The following CALCOCO1 variants were observed in gnomAD, a reference collection of about 807,000 sequenced individuals.
The protein encoded by CALCOCO1 is calcium-binding and coiled-coil domain-containing protein 1.
Under a neutral mutation model 86.3 loss-of-function variants are expected in CALCOCO1, and 44 were observed. The ratio of observed to expected loss-of-function variants is 0.51; its 90% confidence interval spans 0.40 to 0.66. The LOEUF (loss-of-function observed/expected upper bound fraction) is 0.66. CALCOCO1 is among the 30% of genes least tolerant of loss of function. The pLI, the probability that CALCOCO1 is intolerant of heterozygous loss-of-function variation, is 0.00. For missense variants in CALCOCO1, 708 were observed against 851.1 expected (o/e 0.83, Z 2.09); for synonymous variants, 297 against 327.6 (o/e 0.91, Z 1.01).
In CALCOCO1 at chr12:53,711,358, T is replaced by C. The variant is rs1474144797; in HGVS notation, c.*586A>G. The C allele has an allele frequency of 1.0e-5, 4 of 392,072 alleles. No individual in the cohort carries two copies. Among genetic ancestry groups the C allele is most frequent in the Non-Finnish European group, 1.8e-5 (4 of 222,320 alleles). The allele number at this position is 392,072 out of a possible 1,614,324, so 24.3% of individuals were successfully genotyped here. On this transcript the variant is annotated 3_prime_UTR_variant, in exon 15 of 15. Transcript: ENST00000550804. ...AAAAATACAAAAAACCCCTCCAAAC[T>C]GAATACCTAAGGTTATGGAAAAGGC... is the stretch of plus-strand genomic sequence containing the variant.
intron 9 of CALCOCO1, 52 bp downstream of exon 9, chr12:53,715,741 C>T (rs1945706630): frequency 3.8e-6 from 6 of 1,596,402 alleles, no homozygotes; most frequent in African/African-American, 2.7e-5. Context: ...GGAGTCCCCA[C>T]AGAGGTGGGG....
At chr12:53,722,817 G>A (rs181212343) in intron 4 of CALCOCO1, 1 of 392,242 alleles carries the variant, frequency 2.5e-6, no homozygotes, top group Non-Finnish European at 5.0e-6. Context: ...TGATCCCTTA[G>A]TCTGAATTGT....
At position 53,721,583 on chromosome 12, in the gene CALCOCO1, T is replaced by C. The variant is rs1945867581; in HGVS notation, c.642A>G (p.Glu214=). ...GTTGCCGGCTCAGGATGTCCCTCTC[T>C]TCTGTGATCTCCCCATGGGACCGGG... is the stretch of plus-strand genomic sequence containing the variant. ...GISRSHGEIT[E]ERDILSRQQG... is the part of the protein sequence containing the mutation. Residue 214 remains glutamate, a synonymous_variant, in exon 6 of 15, where the codon GAA becomes GAG. Transcript: ENST00000550804. 2 of 1,613,962 alleles carry C rather than the reference T, an allele frequency of 1.2e-6. No homozygotes were observed. The highest frequency in any genetic ancestry group is 1.7e-6 in the Non-Finnish European group (2 of 1,180,000).
At chr12:53,715,346 A>C in intron 9 of CALCOCO1, 21 bp from the exon 10 acceptor site, 1 of 1,613,988 alleles carries the variant, frequency 6.2e-7, no homozygotes, top group African/African-American at 1.3e-5. Flanking sequence ...GCCAAGAAGG[A>C]AAATGGGAGG....
At chr12:53,727,150 G>T (rs1288235709) in intron 1 of CALCOCO1, among the ~76,000 whole-genome samples, 1 of 152,056 alleles carries the variant, frequency 6.6e-6, no homozygotes, top group Non-Finnish European at 1.5e-5. Context: ...CCCTTGAAGG[G>T]ATCAGCTTTA....
rs746342861 is a variant in CALCOCO1 at position 53,716,309 on chromosome 12, T to A, written c.956A>T (p.Asp319Val). 4 of 1,614,116 alleles carry A rather than the reference T, an allele frequency of 2.5e-6. No homozygotes were observed. In the African/African-American group the frequency reaches 5.3e-5, roughly 22 times the overall value. Reference sequence around the variant, plus strand: ...GGTGTCCTTCATCTGGGCCACCTTGTCTTTCAGTCGCTGAGCCTGAGCACT... The same window carrying A: ...GGTGTCCTTCATCTGGGCCACCTTGACTTTCAGTCGCTGAGCCTGAGCACT... ...EQSAQAQRLK[D>V]KVAQMKDTLG... The change falls in exon 8 of 15, where the codon GAC becomes GTC. Residue 319 changes from aspartate (D) to valine (V), a missense_variant. By Grantham distance (152) the Asp-to-Val change is radical. Coordinates refer to ENST00000550804, the MANE Select transcript of CALCOCO1 (RefSeq NM_020898.3).
At chr12:53,716,079 T>C (rs758721541) in intron 8 of CALCOCO1, 32 bp from the exon 9 acceptor site, 1 of 1,607,440 alleles carries the variant, frequency 6.2e-7, no homozygotes, top group Non-Finnish European at 8.5e-7. Context: ...GAGATCAGAG[T>C]TCCTAGTGAA....
chr12:53,725,126 G>C lies in CALCOCO1; in HGVS notation c.117C>G (p.Gly39=). ...TCCAGTCACTGGCACTGGGCATGGT[G>C]CCTGGGGGAAGGGTGTAGTGACATT... is the stretch of plus-strand genomic sequence containing the variant. ...KVECHYTLPP[G]TMPSASDWIG... The change falls in exon 2 of 15, where the codon GGC becomes GGG. Residue 39 remains glycine, a synonymous_variant. Transcript: ENST00000550804. 5 of 1,612,206 alleles carry C rather than the reference G, an allele frequency of 3.1e-6. No homozygotes were observed. Among genetic ancestry groups the C allele is most frequent in the Non-Finnish European group, 4.2e-6 (5 of 1,179,124 alleles).
chr12:53,712,151 G>A, intron 14 of CALCOCO1, 30 bp from the exon 15 acceptor site: 1 of 1,557,558 alleles, frequency 6.4e-7, no homozygotes, highest in South Asian at 1.2e-5. Context: ...AAGGGAGAGG[G>A]TCGGCGTGCT....
Position 53,714,213 on chromosome 12 carries a change from T to C in CALCOCO1, c.1511A>G (p.Glu504Gly). 6.2e-7 allele frequency: 1 copy of C among 1,613,624 alleles called. No homozygotes were observed. Among genetic ancestry groups the C allele is most frequent in the Non-Finnish European group, 8.5e-7 (1 of 1,179,878 alleles). Residue 504 changes from glutamate to glycine, a missense_variant, in exon 12 of 15, where the codon GAG becomes GGG. Transcript: ENST00000550804. The stretch of plus-strand genomic sequence containing the variant: ...ATCTGCCACCTTCTCCAGGCGGGCC[T>C]CTAGCTTTCTCATGTACTCTAGCAA... ...QELLEYMRKL[E>G]ARLEKVADEK...
intron 2 of CALCOCO1, 77 bp downstream of exon 2, chr12:53,725,010 C>T (rs1180971455): frequency 6.9e-6 from 10 of 1,440,086 alleles, no homozygotes; most frequent in Non-Finnish European, 9.4e-6. Context: ...GGTTGAGAAT[C>T]CAAGAGCCCA....
rs1048170079 is a variant in CALCOCO1 at position 53,711,969 on chromosome 12, G to A, written c.2051C>T (p.Thr684Ile). The A allele has an allele frequency of 6.3e-7, 1 of 1,589,582 alleles. No homozygotes were observed. Among genetic ancestry groups the A allele is most frequent in the Non-Finnish European group, 8.6e-7 (1 of 1,168,532 alleles). Residue 684 changes from threonine to isoleucine, a missense_variant, in exon 15 of 15, where the codon ACC becomes ATC. Thr to Ile is a moderately conservative substitution (Grantham distance 89). Coordinates refer to ENST00000550804, the MANE Select transcript of CALCOCO1 (RefSeq NM_020898.3). Reference sequence around the variant, plus strand: ...TCACTCAAAGGTGAAGGGGTCCTGGGTGCTGAAAAAGAAGTGTCCATCCAT... The same window carrying A: ...TCACTCAAAGGTGAAGGGGTCCTGGATGCTGAAAAAGAAGTGTCCATCCAT... Reference protein sequence around the residue: ...DHMDGHFFFSTQDPFTFE With the variant: ...DHMDGHFFFSIQDPFTFE
chr12:53,718,764 G>A (rs1945793595), intron 7 of CALCOCO1, among the ~76,000 whole-genome samples: 1 of 150,354 alleles, frequency 6.7e-6, no homozygotes, highest in Admixed American at 6.6e-5. Flanking sequence ...CCCTGGGCTT[G>A]AACAATCCTC....
In CALCOCO1 at chr12:53,714,269, G is replaced by A. The variant is rs1346871114; in HGVS notation, c.1483-28C>T. The A allele has an allele frequency of 2.6e-6, 4 of 1,559,314 alleles. No individual in the cohort carries two copies. In the African/African-American group the frequency reaches 5.4e-5, roughly 21 times the overall value. The stretch of plus-strand genomic sequence containing the variant: ...GGAATTGGGAAGGAAAAAGGCAGGT[G>A]CTAGAGAATGGGAAGGTGCCAACCT... On this transcript the variant is annotated intron_variant, in intron 11 of 14. Coordinates refer to ENST00000550804, the MANE Select transcript of CALCOCO1 (RefSeq NM_020898.3).
chr12:53,712,111 C>T lies in CALCOCO1; in HGVS notation c.1909G>A (p.Val637Met). The change falls in exon 15 of 15, where the codon GTG becomes ATG. Residue 637 changes from valine to methionine, a missense_variant. By Grantham distance (21) the Val-to-Met change is conservative (BLOSUM62 1). Coordinates refer to ENST00000550804, the MANE Select transcript of CALCOCO1 (RefSeq NM_020898.3). ...AFYDMASGFT[V>M]GTLSETSTGG... ...GTGCTGGTTTCTGACAGGGTACCCA[C>T]TGTAAAGCCACTAAGAGAGACAGAG... The T allele has an allele frequency of 1.2e-6, 2 of 1,602,210 alleles. No individual in the cohort carries two copies. Among genetic ancestry groups the T allele is most frequent in the Non-Finnish European group, 1.7e-6 (2 of 1,173,728 alleles).
At chr12:53,715,467 T>C (rs1279673951) in intron 9 of CALCOCO1, 142 bp from the exon 10 acceptor site, 14 of 1,142,744 alleles carry the variant, frequency 1.2e-5, no homozygotes, top group Non-Finnish European at 1.6e-5. Context: ...TTGCCTTCAT[T>C]TCCTATACCC....
chr12:53,714,483 C>T lies in CALCOCO1; in HGVS notation c.1482+115G>A, dbSNP rs142225050. On this transcript the variant is annotated intron_variant, in intron 11 of 14. Coordinates refer to ENST00000550804, the MANE Select transcript of CALCOCO1 (RefSeq NM_020898.3). ...TCAGCTAATAAGAGAAGCCAGGGTA[C>T]GGGCCCTCTTGGAGAGAACAGTTTC... The T allele has an allele frequency of 1.2e-3, 922 of 783,954 alleles. 4 individuals are homozygous for T. Among genetic ancestry groups the T allele is most frequent in the Admixed American group, 9.9e-4 (43 of 43,580 alleles). 48.6% of individuals were successfully genotyped at this position (783,954 alleles called of 1,614,324 possible).
chr12:53,721,666 A>C (rs757982613), intron 5 of CALCOCO1, 51 bp from the exon 6 acceptor site: 16 of 1,608,804 alleles, frequency 9.9e-6, no homozygotes, highest in Non-Finnish European at 1.2e-5. Context: ...CTCATCTCTC[A>C]AGTGGTGGAA....
intron 1 of CALCOCO1, chr12:53,725,857 A>C (rs1358898619): frequency 6.6e-6 from 1 of 152,222 alleles, no homozygotes; most frequent in Non-Finnish European, 1.5e-5. Flanking sequence ...AGCTCTTTTC[A>C]TCTCTCTGAG....
Sources: gnomAD v4.1 joint callset for allele counts (sites outside exome capture counted in the v4.1 genomes callset) on GRCh38, gnomAD v4.1.1 for gene constraint, MANE v1.5 for transcripts, NCBI Gene and HGNC (gene_info 2026-07-23, HGNC 2026-07-21) for gene names.